The following PIK3C2G variants were observed in gnomAD, a reference collection of about 807,000 sequenced individuals.
The protein encoded by PIK3C2G is phosphatidylinositol-4-phosphate 3-kinase catalytic subunit type 2 gamma.
A neutral mutation model predicts 181.1 loss-of-function variants in PIK3C2G; 168 were observed. The observed-to-expected ratio is 0.93, with a 90% confidence interval of 0.82 to 1.05. The LOEUF is 1.05. Ranked by LOEUF, PIK3C2G falls within the 50% of genes least tolerant of loss-of-function variation. The pLI, the probability that PIK3C2G is intolerant of heterozygous loss-of-function variation, is 0.00. For synonymous variants in PIK3C2G, 573 were observed against 592.2 expected, an observed-to-expected ratio of 0.97 and a Z score of 0.47; for missense variants, 1,869 against 1,732.8, an observed-to-expected ratio of 1.08 and a Z score of -1.40.
At chr12:18,650,863 C>A (rs1950482369), downstream of PIK3C2G, among the ~76,000 whole-genome samples, 1 of 150,730 alleles carries the variant, frequency 6.6e-6, no homozygotes, top group Non-Finnish European at 1.5e-5. Context: ...ATACTCTGGT[C>A]CAACTTACTG....
At chr12:18,325,140 T>G in intron 8 of PIK3C2G, 42 bp downstream of exon 8, 3 of 1,090,954 alleles carry the variant, frequency 2.7e-6, no homozygotes, top group Non-Finnish European at 4.1e-6. Context: ...CAGTAAGCGT[T>G]TTTAACGCAT....
At chr12:18,252,381 T>C (rs1041287453) in intron 1 of PIK3C2G, among the ~76,000 whole-genome samples, 4 of 152,122 alleles carry the variant, frequency 2.6e-5, no homozygotes, top group Non-Finnish European at 4.4e-5. Context: ...GGAAATAATA[T>C]ATGACAATAA....
intron 29 of PIK3C2G, among the ~76,000 whole-genome samples, chr12:18,572,546 A>G (rs1012455103): frequency 1.3e-5 from 2 of 151,570 alleles, no homozygotes; most frequent in African/African-American, 2.4e-5. Context: ...CACTTTTACT[A>G]TAATCTACTC....
chr12:18,469,226 T>C (rs1938213789), intron 18 of PIK3C2G, among the ~76,000 whole-genome samples: 1 of 152,052 alleles, frequency 6.6e-6, no homozygotes, highest in Non-Finnish European at 1.5e-5. Context: ...AACTATTGCT[T>C]CTAATTTGGA....
At chr12:18,591,364 A>G (rs931508373) in intron 29 of PIK3C2G, among the ~76,000 whole-genome samples, 5 of 151,906 alleles carry the variant, frequency 3.3e-5, no homozygotes, top group Non-Finnish European at 7.4e-5. Flanking sequence ...GTTAACTAGT[A>G]TTTATTGAAA....
chr12:18,453,843 T>C (rs1424595258), intron 18 of PIK3C2G, among the ~76,000 whole-genome samples: 4 of 152,206 alleles, frequency 2.6e-5, no homozygotes, highest in Admixed American at 1.3e-4. Flanking sequence ...ACTCACTGTC[T>C]AATTTGAATG....
intron 31 of PIK3C2G, among the ~76,000 whole-genome samples, chr12:18,616,284 T>C (rs1440027089): frequency 6.6e-6 from 1 of 152,150 alleles, no homozygotes; most frequent in Non-Finnish European, 1.5e-5. Context: ...GTGGAAAATA[T>C]ATTTTGAATA....
At chr12:18,694,876 C>A in the PIK3C2G span, 1 of 1,497,324 alleles carries the variant, frequency 6.7e-7, no homozygotes, top group Non-Finnish European at 9.2e-7. Flanking sequence ...TATATAATAA[C>A]CAAAAAATGT....
chr12:18,246,169 C>T (rs1459282982), upstream of PIK3C2G, among the ~76,000 whole-genome samples: 1 of 152,092 alleles, frequency 6.6e-6, no homozygotes, highest in Non-Finnish European at 1.5e-5. Context: ...ATGGGCAAAA[C>T]TGAAGGCCAG....
chr12:18,547,970 A>C (rs1944521921), intron 26 of PIK3C2G, among the ~76,000 whole-genome samples: 3 of 151,994 alleles, frequency 2.0e-5, no homozygotes, highest in African/African-American at 4.8e-5. Context: ...GAAGAACAGA[A>C]GGGCAGCGTC....
At chr12:18,379,253 C>G (rs906750529) in intron 13 of PIK3C2G, among the ~76,000 whole-genome samples, 11 of 151,420 alleles carry the variant, frequency 7.3e-5, no homozygotes, top group Admixed American at 2.0e-4. Flanking sequence ...TCTCAGCAAA[C>G]TATCACAGGC....
intron 1 of PIK3C2G, among the ~76,000 whole-genome samples, chr12:18,271,062 T>A (rs11043991): frequency 2.0e-5 from 3 of 151,850 alleles, no homozygotes; most frequent in African/African-American, 7.3e-5. Flanking sequence ...GACACTCTAG[T>A]GGAAGCTGTT....
At chr12:18,565,618 CAGACAAAAGGTCATTA>C (rs1945589356) in intron 28 of PIK3C2G, among the ~76,000 whole-genome samples, 1 of 152,074 alleles carries the variant, frequency 6.6e-6, no homozygotes, top group Admixed American at 6.6e-5. Context: ...ATGATACTGT[CAGACAAAAGGTCATTA>C]AAAAGTAATT....
At chr12:18,558,634 G>C (rs142737712) in intron 26 of PIK3C2G, among the ~76,000 whole-genome samples, 1 of 152,106 alleles carries the variant, frequency 6.6e-6, no homozygotes, top group Non-Finnish European at 1.5e-5. Flanking sequence ...CTCTGAGCTT[G>C]TGGACTAGCT....
intron 31 of PIK3C2G, among the ~76,000 whole-genome samples, chr12:18,634,780 G>C (rs1949514273): frequency 6.6e-6 from 1 of 152,152 alleles, no homozygotes; most frequent in African/African-American, 2.4e-5. Flanking sequence ...AGTATCCACA[G>C]AATGGCTCAT....
intron 8 of PIK3C2G, among the ~76,000 whole-genome samples, chr12:18,336,142 T>G (rs761709706): frequency 6.6e-6 from 1 of 152,166 alleles, no homozygotes; most frequent in Non-Finnish European, 1.5e-5. Context: ...TGAATAAAAT[T>G]AATTAGTTAA....
intron 5 of PIK3C2G, among the ~76,000 whole-genome samples, chr12:18,307,684 GA>G (rs951201677): frequency 2.0e-5 from 3 of 151,572 alleles, no homozygotes; most frequent in Admixed American, 6.6e-5. Flanking sequence ...TTGATATCTA[GA>G]ACTCTCAAAT....
Position 18,488,595 on chromosome 12 carries a change from A to C in PIK3C2G, c.2651A>C (p.Glu884Ala), listed in dbSNP as rs763448609. ...ATCAAAATTCTGGGAGATATTGGGG[A>C]AAGAGTCAAGTCTGCCAGTGACCAT... ...KLIKILGDIG[E>A]RVKSASDHQR... The change falls in exon 19 of 33, where the codon GAA (glutamate) becomes GCA (alanine). Residue 884 changes from glutamate to alanine, a missense_variant. Glu to Ala is a moderately radical substitution (Grantham distance 107). Transcript: ENST00000538779. The C allele has an allele frequency of 8.3e-6, 13 of 1,566,042 alleles. No individual in the cohort carries two copies. Among genetic ancestry groups the C allele is most frequent in the South Asian group, 3.6e-5 (3 of 82,592 alleles).
intron 18 of PIK3C2G, among the ~76,000 whole-genome samples, chr12:18,425,891 C>G (rs7308613): frequency 0.23 from 34,773 of 152,006 alleles, 4,193 homozygotes; most frequent in Admixed American, 0.35. Flanking sequence ...TAGGCCAATC[C>G]ATGTAGTGAT....
Sources: allele counts gnomAD v4.1 joint callset (sites outside exome capture counted in the v4.1 genomes callset), GRCh38; gene constraint gnomAD v4.1.1; transcripts MANE v1.5; gene names NCBI Gene and HGNC (gene_info 2026-07-23, HGNC 2026-07-21).